The following MTTP variants were observed in gnomAD, a reference collection of about 807,000 sequenced individuals.
MTTP encodes the protein microsomal triglyceride transfer protein large subunit.
In MTTP, 49 loss-of-function variants were observed where a neutral mutation model predicts 90.6. The observed-to-expected ratio is 0.54, with a 90% CI of 0.43 to 0.69. The LOEUF is 0.69. Among genes scored for constraint, MTTP ranks in the 30% least tolerant of loss-of-function variants. The pLI is 0.00. For synonymous variants in MTTP, 347 were observed against 384.2 expected (o/e 0.90, Z 1.13); for missense variants, 945 against 1,067.5 (o/e 0.89, Z 1.60).
chr4:99,571,892 A>AT (rs904352317), upstream of MTTP, among the ~76,000 whole-genome samples: 6 of 151,250 alleles, frequency 4.0e-5, no homozygotes, highest in Non-Finnish European at 5.9e-5. Flanking sequence ...GTCCTTCTAA[A>AT]TTTTTTTTTC....
intron 15 of MTTP, among the ~76,000 whole-genome samples, chr4:99,618,573 C>A (rs1400992705): frequency 6.6e-6 from 1 of 152,180 alleles, no homozygotes; most frequent in African/African-American, 2.4e-5. Flanking sequence ...GATTGCTAGA[C>A]CCCATCCTCA....
In MTTP at chr4:99,623,049, T is replaced by C. The variant is rs1726281059; in HGVS notation, c.*201T>C. 1 of 613,300 alleles carries C rather than the reference T, an allele frequency of 1.6e-6. No homozygotes were observed. The allele number at this position is 613,300 out of a possible 1,614,324, so 38.0% of individuals were successfully genotyped here. On this transcript the variant is annotated 3_prime_UTR_variant, in exon 18 of 18. Transcript: ENST00000265517. The stretch of plus-strand genomic sequence containing the variant: ...CCCACAGCGTCATTTTGAATCATCA[T>C]GTGACGCTTTCAACAACGTTCTTAG...
At chr4:99,607,165 T>C (rs1209899258) in intron 11 of MTTP, among the ~76,000 whole-genome samples, 1 of 152,242 alleles carries the variant, frequency 6.6e-6, no homozygotes, top group Non-Finnish European at 1.5e-5. Flanking sequence ...TCCTGAAGCA[T>C]AAATATTGAA....
upstream of MTTP, among the ~76,000 whole-genome samples, chr4:99,574,375 G>T (rs1249556459): frequency 1.3e-5 from 2 of 152,152 alleles, no homozygotes; most frequent in African/African-American, 4.8e-5. Flanking sequence ...AAAATTCAGT[G>T]TGAATTTTTT....
chr4:99,595,503 T>C (rs1414393281), intron 7 of MTTP: 2 of 157,432 alleles, frequency 1.3e-5, no homozygotes, highest in Non-Finnish European at 2.8e-5. Flanking sequence ...CCACCCAGCA[T>C]TTCCTTATCT....
chr4:99,613,184 C>A (rs371074261), intron 15 of MTTP, 44 bp downstream of exon 15: 1 of 1,507,804 alleles, frequency 6.6e-7, no homozygotes, highest in Non-Finnish European at 9.1e-7. Flanking sequence ...CCCTAAAATA[C>A]GCCAGGCACG....
chr4:99,613,443 C>G (rs920893251), intron 15 of MTTP, among the ~76,000 whole-genome samples: 2 of 152,200 alleles, frequency 1.3e-5, no homozygotes, highest in Non-Finnish European at 1.5e-5. Flanking sequence ...TCACTTGGCT[C>G]TCTCAGGCAC....
rs766353690 is a variant in MTTP, at chr4:99,589,656, A to G, written c.407A>G (p.Tyr136Cys). The G allele has an allele frequency of 6.3e-7, 1 of 1,596,956 alleles. No homozygotes were observed. Among genetic ancestry groups the G allele is most frequent in the Admixed American group, 1.7e-5 (1 of 59,968 alleles). The change falls in exon 4 of 18, where the codon TAC becomes TGC. Residue 136 changes from tyrosine (Y) to cysteine (C), a missense_variant. Transcript: ENST00000265517. ...TCTCCCCACCAGGTCAAAGAGTTCT[A>G]CTCATATCAAAATGAGGCAGTGGCC... ...HLIHGKVKEF[Y>C]SYQNEAVAIE...
At chr4:99,610,559 A>G (rs1396780518) in intron 12 of MTTP, among the ~76,000 whole-genome samples, 1 of 152,198 alleles carries the variant, frequency 6.6e-6, no homozygotes, top group Non-Finnish European at 1.5e-5. Flanking sequence ...TCAGAAATGA[A>G]CATCTTAACA....
At position 99,608,813 on chromosome 4, in the gene MTTP, T is replaced by C. The variant is rs201423951; in HGVS notation, c.1605T>C (p.His535=). ...NRIYHQNRKV[H]EKTVRTAAAA... Reference sequence around the variant, plus strand: ...TATACCACCAAAACCGTAAAGTTCATGAAAAGACTGTGCGCACTGCTGCAG... The same window carrying C: ...TATACCACCAAAACCGTAAAGTTCACGAAAAGACTGTGCGCACTGCTGCAG... Residue 535 remains histidine (H), a synonymous_variant, in exon 12 of 18, where the codon CAT becomes CAC. Transcript: ENST00000265517. 22 of 1,614,182 alleles carry C rather than the reference T, an allele frequency of 1.4e-5. No individual in the cohort carries two copies. The African/African-American group carries it at 2.1e-4, about 16-fold the overall frequency.
At position 99,600,704 on chromosome 4, in the gene MTTP, C is replaced by A. The variant is rs1304503359; in HGVS notation, c.1207C>A (p.Pro403Thr). 6.2e-7 allele frequency: 1 copy of A among 1,613,628 alleles called. No homozygotes were observed. ...CTATGCCTGTGGATTTGCTTCTCATCCCAATGAAGAACTCCTGAGAGCCCT... is the reference window on the plus strand; with the variant it reads ...CTATGCCTGTGGATTTGCTTCTCATACCAATGAAGAACTCCTGAGAGCCCT... ...FLYACGFASH[P>T]NEELLRALIS... The change falls in exon 9 of 18, where the codon CCC (proline) becomes ACC (threonine). Residue 403 changes from proline to threonine, a missense_variant. Physicochemically the swap from Pro to Thr is conservative, Grantham distance 38 (BLOSUM62 -1). Transcript: ENST00000265517.
rs2110212784 is a variant in MTTP, at chr4:99,583,525, G to C, written c.393+8G>C. The C allele has an allele frequency of 6.2e-7, 1 of 1,613,416 alleles. No individual in the cohort carries two copies. Among genetic ancestry groups the C allele is most frequent in the South Asian group, 1.1e-5 (1 of 91,054 alleles). ...CATCTAATCCATGGAAAGGTAAAGG[G>C]GCGTTTAGATTCCACAACTTTTTCT... On this transcript the variant is annotated splice_region_variant and intron_variant, in intron 3 of 17. Coordinates refer to ENST00000265517, the MANE Select transcript of MTTP (RefSeq NM_001386140.1).
chr4:99,596,541 C>A (rs753188186), intron 7 of MTTP, among the ~76,000 whole-genome samples: 5 of 151,910 alleles, frequency 3.3e-5, no homozygotes, highest in African/African-American at 4.8e-5. Context: ...TAATTCAGAC[C>A]TTAGCAACAG....
At chr4:99,618,296 G>A (rs1726145567) in intron 15 of MTTP, among the ~76,000 whole-genome samples, 2 of 152,110 alleles carry the variant, frequency 1.3e-5, no homozygotes, top group African/African-American at 4.8e-5. Flanking sequence ...GTTCCCCTTG[G>A]ATACTAACGG....
chr4:99,584,207 A>G (rs1725200064), intron 3 of MTTP: 2 of 152,260 alleles, frequency 1.3e-5, no homozygotes, highest in South Asian at 4.1e-4. Context: ...TGATCAGTTG[A>G]TTATTAGGCA....
At chr4:99,591,887 T>C (rs1396590461) in intron 6 of MTTP, 97 bp downstream of exon 6, 92 of 1,073,398 alleles carry the variant, frequency 8.6e-5, no homozygotes, top group Middle Eastern at 2.8e-4. Flanking sequence ...TGTGTGTGTG[T>C]GCGCGTGTAG....
Position 99,581,950 on chromosome 4 carries a change from T to A in MTTP, c.107T>A (p.Leu36His). The stretch of plus-strand genomic sequence containing the variant: ...TTAAATAATGACCGGCTGTACAAGC[T>A]CACGTACTCCACTGAAGTTCTTCTT... ...LSLNNDRLYKLTYSTEVLLDR... is the reference protein window; with the variant it reads ...LSLNNDRLYKHTYSTEVLLDR... The change falls in exon 2 of 18, where the codon CTC becomes CAC. Residue 36 changes from leucine to histidine, a missense_variant. By Grantham distance (99) the Leu-to-His change is moderately conservative. Coordinates refer to ENST00000265517, the MANE Select transcript of MTTP (RefSeq NM_001386140.1). 1 of 1,614,126 alleles carries A rather than the reference T, an allele frequency of 6.2e-7. No individual in the cohort carries two copies. The highest frequency in any genetic ancestry group is 8.5e-7 in the Non-Finnish European group (1 of 1,180,000).
At chr4:99,574,283 G>A (rs1242879234), upstream of MTTP, among the ~76,000 whole-genome samples, 2 of 152,124 alleles carry the variant, frequency 1.3e-5, no homozygotes, top group Non-Finnish European at 2.9e-5. Flanking sequence ...AATCATCTAT[G>A]TTTCATGAAA....
intron 3 of MTTP, chr4:99,584,186 A>T (rs1347779045): frequency 6.6e-6 from 1 of 152,144 alleles, no homozygotes; most frequent in Non-Finnish European, 1.5e-5. Context: ...TTTGGAATTG[A>T]GAAACAATTG....
Sources: allele counts gnomAD v4.1 joint callset (sites outside exome capture counted in the v4.1 genomes callset), GRCh38; gene constraint gnomAD v4.1.1; transcripts MANE v1.5; gene names NCBI Gene and HGNC (gene_info 2026-07-23, HGNC 2026-07-21).